The following TUSC3 variants were observed in gnomAD, a reference collection of about 807,000 sequenced individuals.
The protein encoded by TUSC3 is dolichyl-diphosphooligosaccharide--protein glycosyltransferase subunit TUSC3.
TUSC3 carries 45 observed loss-of-function variants against 44.8 expected under a neutral mutation model. That is an observed-to-expected ratio of 1.00 (90% CI 0.79 to 1.29). The LOEUF is 1.29. TUSC3 is among the 50% of genes most tolerant of loss of function. The pLI, the probability that TUSC3 is intolerant of heterozygous loss-of-function variation, is 0.00. For synonymous variants in TUSC3, 212 were observed against 152.9 expected (o/e 1.39, Z -2.85); for missense variants, 519 against 437.9 (o/e 1.19, Z -1.65).
At chr8:15,717,526 C>CT (rs1300882476) in intron 6 of TUSC3, among the ~76,000 whole-genome samples, 1 of 152,068 alleles carries the variant, frequency 6.6e-6, no homozygotes, top group Non-Finnish European at 1.5e-5. Context: ...TTTCCATCCT[C>CT]TATTAATTTC....
At chr8:15,725,860 T>C (rs1299373875) in intron 6 of TUSC3, among the ~76,000 whole-genome samples, 1 of 152,222 alleles carries the variant, frequency 6.6e-6, no homozygotes, top group East Asian at 1.9e-4. Context: ...TCCTTCATGC[T>C]GTCAGTTTCC....
At chr8:15,617,551 A>G (rs886090618) in intron 1 of TUSC3, among the ~76,000 whole-genome samples, 1 of 152,148 alleles carries the variant, frequency 6.6e-6, no homozygotes, top group African/African-American at 2.4e-5. Flanking sequence ...CTTCTCTGAC[A>G]GTGATACAAA....
At chr8:15,687,003 G>A (rs75285659) in intron 6 of TUSC3, among the ~76,000 whole-genome samples, 24,086 of 152,082 alleles carry the variant, frequency 0.16, 1,954 homozygotes, top group East Asian at 0.2. Context: ...AACCCGGGAG[G>A]CGGAGCTTGC....
the TUSC3 span, among the ~76,000 whole-genome samples, chr8:15,794,251 AG>A: frequency 1.3e-5 from 2 of 151,996 alleles, no homozygotes; most frequent in Non-Finnish European, 2.9e-5. Context: ...CGTTTTTTTG[AG>A]GATCCAGCTT....
chr8:15,690,356 T>TG (rs1250681262), intron 6 of TUSC3, among the ~76,000 whole-genome samples: 4 of 151,162 alleles, frequency 2.6e-5, no homozygotes, highest in Non-Finnish European at 4.4e-5. Context: ...TAAAGGGAGT[T>TG]TTTTTTTTTG....
At chr8:15,796,920 G>A in the TUSC3 span, among the ~76,000 whole-genome samples, 14 of 152,138 alleles carry the variant, frequency 9.2e-5, no homozygotes, top group Non-Finnish European at 5.9e-5. Context: ...AGTAGGTCAT[G>A]TTTTTTATGT....
chr8:15,481,793 G>A (rs868445576), intron 1 of TUSC3, among the ~76,000 whole-genome samples: 8 of 152,096 alleles, frequency 5.3e-5, no homozygotes, highest in African/African-American at 1.2e-4. Context: ...TCTTTTTGCC[G>A]GCGGAGGGTC....
chr8:15,731,861 A>T (rs1230101278), intron 7 of TUSC3, among the ~76,000 whole-genome samples: 1 of 152,154 alleles, frequency 6.6e-6, no homozygotes, highest in Non-Finnish European at 1.5e-5. Flanking sequence ...CAGTTTATTC[A>T]AGCAACCTAT....
chr8:15,679,443 A>G (rs1311363742), intron 6 of TUSC3, among the ~76,000 whole-genome samples: 1 of 151,924 alleles, frequency 6.6e-6, no homozygotes, highest in African/African-American at 2.4e-5. Context: ...CCACTTTTTA[A>G]TGGGGTTATT....
the TUSC3 span, among the ~76,000 whole-genome samples, chr8:15,797,784 C>T: frequency 6.6e-6 from 1 of 152,180 alleles, no homozygotes; most frequent in South Asian, 2.1e-4. Context: ...TAAGACAACA[C>T]AGCAAGTGCT....
At chr8:15,837,974 G>C in the TUSC3 span, among the ~76,000 whole-genome samples, 1 of 152,174 alleles carries the variant, frequency 6.6e-6, no homozygotes, top group African/African-American at 2.4e-5. Context: ...ATTCCAGACT[G>C]GCAGGAACTG....
intron 2 of TUSC3, among the ~76,000 whole-genome samples, chr8:15,522,698 A>G (rs939052398): frequency 3.3e-5 from 5 of 151,950 alleles, no homozygotes; most frequent in African/African-American, 1.2e-4. Context: ...AGGAGACAGG[A>G]TAGGAGGCAG....
intron 1 of TUSC3, among the ~76,000 whole-genome samples, chr8:15,419,709 C>G (rs556038791): frequency 5.3e-5 from 8 of 152,194 alleles, no homozygotes; most frequent in Non-Finnish European, 1.2e-4. Flanking sequence ...AAGAGTATCT[C>G]TATGACTTTA....
intron 6 of TUSC3, among the ~76,000 whole-genome samples, chr8:15,677,263 G>A (rs1808232932): frequency 6.6e-6 from 1 of 152,104 alleles, no homozygotes; most frequent in Non-Finnish European, 1.5e-5. Context: ...GCCTCCCTGA[G>A]TTCTCGGATT....
At chr8:15,789,875 C>A in the TUSC3 span, among the ~76,000 whole-genome samples, 1 of 152,132 alleles carries the variant, frequency 6.6e-6, no homozygotes, top group Non-Finnish European at 1.5e-5. Context: ...GGCAGACACG[C>A]CCCTAAATTG....
chr8:15,555,780 A>T (rs1324720102), intron 1 of TUSC3, among the ~76,000 whole-genome samples: 1 of 151,488 alleles, frequency 6.6e-6, no homozygotes, highest in Non-Finnish European at 1.5e-5. Context: ...ACATTTGATC[A>T]TTTATTCTAA....
chr8:15,575,624 G>C (rs1381651333), intron 1 of TUSC3, among the ~76,000 whole-genome samples: 1 of 152,006 alleles, frequency 6.6e-6, no homozygotes, highest in African/African-American at 2.4e-5. Context: ...AAAATTAATT[G>C]AGAATGGTGG....
intron 1 of TUSC3, among the ~76,000 whole-genome samples, chr8:15,544,645 A>G (rs141062964): frequency 6.6e-6 from 1 of 151,810 alleles, no homozygotes; most frequent in Non-Finnish European, 1.5e-5. Flanking sequence ...GCTGTGAAAC[A>G]GAGACTTTAC....
chr8:15,586,351 A>G (rs989655269), intron 1 of TUSC3, among the ~76,000 whole-genome samples: 1 of 152,112 alleles, frequency 6.6e-6, no homozygotes, highest in African/African-American at 2.4e-5. Flanking sequence ...GTTAACTTGA[A>G]GTAAATGCAT....
Sources: gnomAD v4.1 joint callset for allele counts (sites outside exome capture counted in the v4.1 genomes callset) on GRCh38, gnomAD v4.1.1 for gene constraint, MANE v1.5 for transcripts, NCBI Gene and HGNC (gene_info 2026-07-23, HGNC 2026-07-21) for gene names.